Variants in KCNIP1 observed in about 807,000 individuals in gnomAD.
KCNIP1 encodes A-type potassium channel modulatory protein KCNIP1.
A neutral mutation model predicts 33.0 loss-of-function variants in KCNIP1; 18 were observed. The observed-to-expected ratio is 0.55, with a 90% CI of 0.38 to 0.81. KCNIP1 has a LOEUF of 0.81. Ranked by LOEUF, KCNIP1 falls within the 30% of genes least tolerant of loss-of-function variation. The probability of loss-of-function intolerance (pLI) is 0.00; values close to 1 mark genes in which losing one functional copy is unlikely to be tolerated. For synonymous variants in KCNIP1, 93 were observed against 98.3 expected, an observed-to-expected ratio of 0.95 and a Z score of 0.32; for missense variants, 238 against 271.6, an observed-to-expected ratio of 0.88 and a Z score of 0.87.
At chr5:170,532,237 A>G (rs1581281467) in intron 1 of KCNIP1, among the ~76,000 whole-genome samples, 1 of 152,192 alleles carries the variant, frequency 6.6e-6, no homozygotes, top group Non-Finnish European at 1.5e-5. Flanking sequence ...TTGTTGTTCT[A>G]TAACTGACTT....
At chr5:170,385,624 G>T (rs182915245) in intron 1 of KCNIP1, among the ~76,000 whole-genome samples, 7 of 152,020 alleles carry the variant, frequency 4.6e-5, no homozygotes, top group Non-Finnish European at 8.8e-5. Flanking sequence ...TTGCTTTTTG[G>T]ACCCCATGTA....
chr5:170,368,829 C>T (rs1370303621), intron 1 of KCNIP1, among the ~76,000 whole-genome samples: 1 of 152,216 alleles, frequency 6.6e-6, no homozygotes, highest in East Asian at 1.9e-4. Flanking sequence ...GTCCTGTGTC[C>T]CCGTGACCAA....
chr5:170,421,804 T>C (rs1341437608), intron 1 of KCNIP1, among the ~76,000 whole-genome samples: 1 of 152,244 alleles, frequency 6.6e-6, no homozygotes, highest in Non-Finnish European at 1.5e-5. Flanking sequence ...GGTGTGGTTA[T>C]TCCAGAGTTT....
chr5:170,591,181 C>G (rs10066905), intron 1 of KCNIP1, among the ~76,000 whole-genome samples: 11,900 of 152,282 alleles, frequency 0.078, 716 homozygotes, highest in African/African-American at 0.17. Flanking sequence ...CAAATGCGAA[C>G]AATCCAGGCT....
intron 1 of KCNIP1, among the ~76,000 whole-genome samples, chr5:170,516,898 G>T (rs555335368): frequency 6.6e-6 from 1 of 152,272 alleles, no homozygotes; most frequent in East Asian, 1.9e-4. Context: ...TACGTGGTGG[G>T]GATCAGTATT....
chr5:170,377,345 C>G (rs1040402771), intron 1 of KCNIP1: 2 of 152,280 alleles, frequency 1.3e-5, no homozygotes, highest in South Asian at 4.1e-4. Context: ...CAAGCTGCCA[C>G]AGGATCCTGA....
At chr5:170,442,508 C>T (rs962418754) in intron 1 of KCNIP1, among the ~76,000 whole-genome samples, 1 of 152,162 alleles carries the variant, frequency 6.6e-6, no homozygotes, top group Non-Finnish European at 1.5e-5. Context: ...GAGACAGGGC[C>T]TCGTTCTGCG....
chr5:170,503,724 T>TCTCACA (rs1554096903), upstream of KCNIP1, among the ~76,000 whole-genome samples: 1 of 136,472 alleles, frequency 7.3e-6, no homozygotes, highest in Non-Finnish European at 1.6e-5. Context: ...CGCACGCACA[T>TCTCACA]CACACACACA....
chr5:170,701,643 G>A (rs1266587211), intron 1 of KCNIP1, among the ~76,000 whole-genome samples: 1 of 152,134 alleles, frequency 6.6e-6, no homozygotes, highest in South Asian at 2.1e-4. Context: ...CACCTTACTC[G>A]CAGCCAAGCA....
chr5:170,391,058 G>C (rs936070654), intron 1 of KCNIP1, among the ~76,000 whole-genome samples: 2 of 152,178 alleles, frequency 1.3e-5, no homozygotes, highest in Non-Finnish European at 2.9e-5. Flanking sequence ...CATAGCACCA[G>C]AGGGTCTAAG....
At chr5:170,395,927 G>A (rs1226958860) in intron 1 of KCNIP1, among the ~76,000 whole-genome samples, 3 of 152,202 alleles carry the variant, frequency 2.0e-5, no homozygotes, top group Non-Finnish European at 4.4e-5. Context: ...GTGTGAATCG[G>A]TGTCCCTAGG....
intron 1 of KCNIP1, among the ~76,000 whole-genome samples, chr5:170,695,600 T>G (rs1202655190): frequency 6.6e-6 from 1 of 152,246 alleles, no homozygotes; most frequent in African/African-American, 2.4e-5. Flanking sequence ...TATTTTAACA[T>G]CCATTTTACT....
intron 1 of KCNIP1, chr5:170,375,683 T>C (rs1408521875): frequency 6.6e-6 from 1 of 152,438 alleles, no homozygotes; most frequent in African/African-American, 2.4e-5. Flanking sequence ...AACACACAGC[T>C]CCAGGCTTGA....
At chr5:170,570,873 C>T (rs61610329) in intron 1 of KCNIP1, among the ~76,000 whole-genome samples, 10,498 of 152,300 alleles carry the variant, frequency 0.069, 528 homozygotes, top group African/African-American at 0.13. Context: ...TTAAGTCCCC[C>T]ACTAAGTGCC....
intron 1 of KCNIP1, among the ~76,000 whole-genome samples, chr5:170,471,321 T>A (rs1756721246): frequency 6.6e-6 from 1 of 152,026 alleles, no homozygotes; most frequent in African/African-American, 2.4e-5. Flanking sequence ...AATAAGAGAG[T>A]TGCTCTAAAC....
In KCNIP1 at chr5:170,601,405, G is replaced by T. The variant is rs78730668; in HGVS notation, c.61+96772G>T. ...GGAACATCATCCGGGAGCTGGACTA[G>T]AACGTCCCGGGAAACTTCAGCCTGG... is the stretch of plus-strand genomic sequence containing the variant. On this transcript the variant is annotated intron_variant, in intron 1 of 7. Coordinates refer to ENST00000328939, the MANE Select transcript of KCNIP1 (RefSeq NM_014592.4). 4.6e-3 allele frequency among the ~76,000 whole-genome samples: 700 copies of T among 152,354 alleles called. 11 individuals carry two copies. The highest frequency in any genetic ancestry group is 0.016 in the African/African-American group (685 of 41,586).
chr5:170,732,724 A>T, intron 5 of KCNIP1, 76 bp from the exon 6 acceptor site: 1 of 891,840 alleles, frequency 1.1e-6, no homozygotes, highest in Admixed American at 1.8e-5. Context: ...GGGCACAAGG[A>T]GCCCCAAACT....
intron 1 of KCNIP1, among the ~76,000 whole-genome samples, chr5:170,525,048 G>C (rs748979901): frequency 2.0e-5 from 3 of 152,230 alleles, no homozygotes; most frequent in Non-Finnish European, 4.4e-5. Context: ...CACAAGGCCG[G>C]GGAAACTTTG....
At chr5:170,518,004 G>T (rs527844834) in intron 1 of KCNIP1, among the ~76,000 whole-genome samples, 366 of 151,962 alleles carry the variant, frequency 2.4e-3, no homozygotes, top group Non-Finnish European at 3.7e-3. Context: ...GGTTATGGAG[G>T]TGGTGGTGAC....
Sources: allele counts gnomAD v4.1 joint callset (sites outside exome capture counted in the v4.1 genomes callset), GRCh38; gene constraint gnomAD v4.1.1; transcripts MANE v1.5; gene names NCBI Gene and HGNC (gene_info 2026-07-23, HGNC 2026-07-21).